Variants in KIAA0513 observed in about 807,000 individuals in gnomAD.
KIAA0513 encodes KIAA0513, also known as uncharacterized protein KIAA0513.
Under a neutral mutation model 56.5 loss-of-function variants are expected in KIAA0513, and 39 were observed. That is an observed-to-expected ratio of 0.69 (90% CI 0.53 to 0.90). The LOEUF (loss-of-function observed/expected upper bound fraction) is 0.90. KIAA0513 is among the 40% of genes least tolerant of loss of function. The pLI is 0.00. For missense variants in KIAA0513, 591 were observed against 535.2 expected (o/e 1.10, Z -1.03); for synonymous variants, 268 against 215.6 (o/e 1.24, Z -2.13).
chr16:85,042,329 G>A (rs1471827350), intron 1 of KIAA0513, among the ~76,000 whole-genome samples: 1 of 152,200 alleles, frequency 6.6e-6, no homozygotes, highest in East Asian at 1.9e-4. Context: ...GAGACCTATA[G>A]GTTGAGTCTT....
chr16:85,091,141 T>C lies in KIAA0513; in HGVS notation c.*2816T>C, dbSNP rs996825880. 2 of 152,242 alleles carry C rather than the reference T, an allele frequency of 1.3e-5. No homozygotes were observed. The highest frequency in any genetic ancestry group is 4.8e-5 in the African/African-American group (2 of 41,442). The allele number at this position is 152,242 out of a possible 1,614,324, so 9.4% of individuals were successfully genotyped here. A position where few individuals can be genotyped will look rare whatever the true frequency, so the allele number is the denominator to read the frequency against. On this transcript the variant is annotated 3_prime_UTR_variant, in exon 13 of 13. Coordinates refer to ENST00000683363, the MANE Select transcript of KIAA0513 (RefSeq NM_001388359.1). ...CAGGAGCACGAAGGCCTGTCATCCA[T>C]GGGGCCATTGCAGGCACTCTGCCGC...
chr16:85,038,601 G>C (rs1014695783), intron 1 of KIAA0513, among the ~76,000 whole-genome samples: 1 of 151,542 alleles, frequency 6.6e-6, no homozygotes, highest in African/African-American at 2.4e-5. Flanking sequence ...CCAGCTACAC[G>C]GGAGGCTGAG....
intron 1 of KIAA0513, among the ~76,000 whole-genome samples, chr16:85,041,394 C>A (rs2073102088): frequency 6.6e-6 from 1 of 152,216 alleles, no homozygotes. Context: ...GAGTGGAGTT[C>A]TGCTCCTGGG....
intron 1 of KIAA0513, among the ~76,000 whole-genome samples, chr16:85,040,249 C>T (rs1433910163): frequency 6.6e-6 from 1 of 152,214 alleles, no homozygotes; most frequent in Admixed American, 6.5e-5. Context: ...TGTGACAACT[C>T]GGGGGTGCTT....
At chr16:85,080,076 G>A (rs1223410712) in intron 8 of KIAA0513, among the ~76,000 whole-genome samples, 1 of 152,204 alleles carries the variant, frequency 6.6e-6, no homozygotes, top group East Asian at 1.9e-4. Context: ...GAGGAGCTTG[G>A]CCAGGGAGCG....
intron 1 of KIAA0513, among the ~76,000 whole-genome samples, chr16:85,065,747 C>T (rs1464585435): frequency 6.6e-6 from 1 of 152,166 alleles, no homozygotes; most frequent in Admixed American, 6.5e-5. Context: ...GTGCTCTGCT[C>T]TGAGGGGCTG....
intron 1 of KIAA0513, among the ~76,000 whole-genome samples, chr16:85,062,215 C>A (rs1004740235): frequency 1.5e-5 from 2 of 130,740 alleles, no homozygotes; most frequent in African/African-American, 8.9e-5. Context: ...TACGTAAACA[C>A]ACACACACAC....
chr16:85,041,262 C>T (rs970700641), intron 1 of KIAA0513, among the ~76,000 whole-genome samples: 2 of 152,264 alleles, frequency 1.3e-5, no homozygotes, highest in South Asian at 2.1e-4. Flanking sequence ...AACCACCTCA[C>T]GCCTGTCACT....
At chr16:85,045,143 A>AAAAAAAG (rs756658380) in intron 1 of KIAA0513, among the ~76,000 whole-genome samples, 4 of 151,948 alleles carry the variant, frequency 2.6e-5, no homozygotes, top group African/African-American at 4.8e-5. Context: ...TAAATGACAA[A>AAAAAAAG]AAAAAAGAAA....
intron 1 of KIAA0513, among the ~76,000 whole-genome samples, chr16:85,059,244 C>T (rs547134513): frequency 3.9e-5 from 6 of 152,132 alleles, no homozygotes; most frequent in Non-Finnish European, 7.4e-5. Flanking sequence ...TAGTAATGTG[C>T]GTCTTGCAGG....
chr16:85,059,446 C>T (rs1340566480), intron 1 of KIAA0513, among the ~76,000 whole-genome samples: 1 of 152,160 alleles, frequency 6.6e-6, no homozygotes, highest in African/African-American at 2.4e-5. Flanking sequence ...AGGCTGTCTC[C>T]TCTAGTCATA....
At chr16:85,032,873 G>C (rs1000958166) in intron 1 of KIAA0513, among the ~76,000 whole-genome samples, 1 of 151,968 alleles carries the variant, frequency 6.6e-6, no homozygotes, top group Non-Finnish European at 1.5e-5. Context: ...CTCATGATCC[G>C]CCTACCTGGG....
intron 1 of KIAA0513, among the ~76,000 whole-genome samples, chr16:85,056,006 G>C (rs2073323694): frequency 6.6e-6 from 1 of 152,190 alleles, no homozygotes; most frequent in Admixed American, 6.5e-5. Flanking sequence ...CAGTGCTGCA[G>C]CTCAGCCCTT....
chr16:85,062,730 G>T (rs2073423658), intron 1 of KIAA0513, among the ~76,000 whole-genome samples: 1 of 152,198 alleles, frequency 6.6e-6, no homozygotes, highest in South Asian at 2.1e-4. Flanking sequence ...ACCTGTAGAA[G>T]CTCTGATACT....
chr16:85,038,601 G>A (rs1014695783), intron 1 of KIAA0513, among the ~76,000 whole-genome samples: 27 of 151,660 alleles, frequency 1.8e-4, no homozygotes, highest in African/African-American at 6.5e-4. Context: ...CCAGCTACAC[G>A]GGAGGCTGAG....
At chr16:85,057,769 G>GTT (rs59350081) in intron 1 of KIAA0513, among the ~76,000 whole-genome samples, 10 of 141,800 alleles carry the variant, frequency 7.1e-5, no homozygotes, top group Non-Finnish European at 7.7e-5. Context: ...TTTTGTTTTT[G>GTT]TTTTTTTTTT....
rs1446365379 is a variant in KIAA0513, at chr16:85,056,903, C to G, written c.-172-9997C>G. The stretch of plus-strand genomic sequence containing the variant: ...AATATTTTGTAGAGACAAGGTCTCT[C>G]TTTGTTGCCCACACTGGTCATGAAC... On this transcript the variant is annotated intron_variant, in intron 1 of 12. Transcript: ENST00000683363. Among the ~76,000 whole-genome samples, 3 of 152,064 alleles carry G rather than the reference C, an allele frequency of 2.0e-5. No homozygotes were observed. In the East Asian group the frequency reaches 5.8e-4, roughly 29 times the overall value.
In KIAA0513 at chr16:85,091,583, A is replaced by G. The variant is rs1184732983; in HGVS notation, c.*3258A>G. ...CCAAGCAACACGCATTGGGTTTAAA[A>G]CCAGCACCGAGGCCCAGTGGGGGAA... On this transcript the variant is annotated 3_prime_UTR_variant, in exon 13 of 13. Transcript: ENST00000683363. 1 of 152,202 alleles carries G rather than the reference A, an allele frequency of 6.6e-6. No homozygotes were observed. Among genetic ancestry groups the G allele is most frequent in the Non-Finnish European group, 1.5e-5 (1 of 68,018 alleles). The allele number at this position is 152,202 out of a possible 1,614,324, so 9.4% of individuals were successfully genotyped here. A position where few individuals can be genotyped will look rare whatever the true frequency, so the allele number is the denominator to read the frequency against.
chr16:85,027,868 G>C lies in KIAA0513; in HGVS notation c.-173+10G>C, dbSNP rs896235089. The C allele has an allele frequency of 7.2e-5, 11 of 152,282 alleles. No individual in the cohort carries two copies. The highest frequency in any genetic ancestry group is 2.4e-4 in the African/African-American group (10 of 41,556). The allele number at this position is 152,282 out of a possible 1,614,324, so 9.4% of individuals were successfully genotyped here. On this transcript the variant is annotated intron_variant, in intron 1 of 12. Coordinates refer to ENST00000683363, the MANE Select transcript of KIAA0513 (RefSeq NM_001388359.1). ...CCGCCCGCGGTGAGAGGTGCGGTGG[G>C]GTGGCCTCAGGCCGGCCTGACAGGC...
Sources: gnomAD v4.1 joint callset for allele counts (sites outside exome capture counted in the v4.1 genomes callset) on GRCh38, gnomAD v4.1.1 for gene constraint, MANE v1.5 for transcripts, NCBI Gene and HGNC (gene_info 2026-07-23, HGNC 2026-07-21) for gene names.